ASAH1: variants seen among roughly 807,000 people sequenced by gnomAD.
The protein encoded by ASAH1 is acid ceramidase.
Under a neutral mutation model 59.5 loss-of-function variants are expected in ASAH1, and 70 were observed. The observed-to-expected ratio is 1.18, with a 90% CI of 0.97 to 1.43. ASAH1 has a LOEUF of 1.43. Among genes scored for constraint, ASAH1 ranks in the 40% most tolerant of loss-of-function variants. The pLI, the probability that ASAH1 is intolerant of heterozygous loss-of-function variation, is 0.00. For synonymous variants in ASAH1, 213 were observed against 166.5 expected, an observed-to-expected ratio of 1.28 and a Z score of -2.15; for missense variants, 660 against 482.5, an observed-to-expected ratio of 1.37 and a Z score of -3.45.
chr8:18,069,541 G>C lies in ASAH1; in HGVS notation c.303+251C>G, dbSNP rs1800070085. The C allele has an allele frequency of 1.5e-5, 6 of 410,150 alleles. No homozygotes were observed. In the East Asian group the frequency reaches 2.9e-4, roughly 20 times the overall value. The allele number at this position is 410,150 out of a possible 1,614,324, so 25.4% of individuals were successfully genotyped here. The stretch of plus-strand genomic sequence containing the variant: ...AAGGGAAGGAAATACCACACTCCCA[G>C]ATGAAATATGGTTATTTGCCCAATG... On this transcript the variant is annotated intron_variant, in intron 4 of 13. Transcript: ENST00000637790.
Position 18,062,354 on chromosome 8 carries a change from G to C in ASAH1, c.573C>G (p.Phe191Leu), listed in dbSNP as rs1366429587. The C allele has an allele frequency of 1.2e-6, 2 of 1,614,036 alleles. No homozygotes were observed. The highest frequency in any genetic ancestry group is 1.1e-5 in the South Asian group (1 of 91,084). The change falls in exon 8 of 14, where the codon TTC becomes TTG. Residue 191 changes from phenylalanine (F) to leucine (L), a missense_variant. Physicochemically the swap from Phe to Leu is conservative, Grantham distance 22. Coordinates refer to ENST00000637790, the MANE Select transcript of ASAH1 (RefSeq NM_177924.5). ...QLKPLTVNLD[F>L]QRNNKTVFKA... ...TGAAGACAGTTTTGTTGTTTCTTTG[G>C]AAATCCAAATTCACTGTTAAAGGTT...
intron 1 of ASAH1, chr8:18,083,052 T>C (rs1937591958): frequency 6.6e-6 from 1 of 152,200 alleles, no homozygotes; most frequent in South Asian, 2.1e-4. Context: ...CCACCATGAT[T>C]TTAAAGAATT....
rs769978725 is a variant in ASAH1 at position 18,075,482 on chromosome 8, C to T, written c.125+59G>A. The T allele has an allele frequency of 2.6e-6, 4 of 1,527,420 alleles. No homozygotes were observed. The Admixed American group carries it at 6.7e-5, about 25-fold the overall frequency. 94.6% of individuals were successfully genotyped at this position (1,527,420 alleles called of 1,614,324 possible). The stretch of plus-strand genomic sequence containing the variant: ...ATCGTTCGTTTATGAGCAATTATTA[C>T]ATACAGAAAAAACTTCACAAAGGTC... On this transcript the variant is annotated intron_variant, in intron 2 of 13. Coordinates refer to ENST00000637790, the MANE Select transcript of ASAH1 (RefSeq NM_177924.5).
intron 5 of ASAH1, 89 bp from the exon 6 acceptor site, chr8:18,064,620 T>A: frequency 1.3e-6 from 1 of 784,620 alleles, no homozygotes; most frequent in African/African-American, 1.7e-5. Context: ...GTGTTTTCAT[T>A]GTGTGAGTGT....
chr8:18,084,098 G>C lies in ASAH1; in HGVS notation c.-40C>G. On this transcript the variant is annotated 5_prime_UTR_variant, in exon 1 of 14. Coordinates refer to ENST00000637790, the MANE Select transcript of ASAH1 (RefSeq NM_177924.5). ...ACGCCACTCCCCGGACTCCAGCAGA[G>C]GCAAAGAAGAGCCGGCTGGGCCGGG... is the stretch of plus-strand genomic sequence containing the variant. The C allele has an allele frequency of 2.5e-6, 4 of 1,596,722 alleles. No homozygotes were observed. Among genetic ancestry groups the C allele is most frequent in the African/African-American group, 1.3e-5 (1 of 75,002 alleles).
chr8:18,084,640 A>G, upstream of ASAH1: 1 of 1,612,134 alleles, frequency 6.2e-7, no homozygotes, highest in Non-Finnish European at 8.5e-7. Context: ...GAGAGAATCG[A>G]ATCCACTCGG....
intron 10 of ASAH1, chr8:18,060,935 T>C (rs1799667706): frequency 1.1e-5 from 2 of 174,728 alleles, no homozygotes; most frequent in Non-Finnish European, 1.2e-5. Context: ...GTATTTTTTA[T>C]AGAGACGGGG....
At chr8:18,084,903 C>A (rs1391203451), upstream of ASAH1, 3 of 1,517,838 alleles carry the variant, frequency 2.0e-6, no homozygotes, top group African/African-American at 4.1e-5. Context: ...GGGGGACTCG[C>A]TTGGCTTTCG....
In ASAH1 at chr8:18,081,865, A is replaced by G. The variant is rs188874504; in HGVS notation, c.78+2116T>C. Among the ~76,000 whole-genome samples the G allele has an allele frequency of 6.6e-4, 100 of 152,284 alleles. 1 individual carries two copies. The highest frequency in any genetic ancestry group is 3.4e-3 in the Middle Eastern group (1 of 294). On this transcript the variant is annotated intron_variant, in intron 1 of 13. Coordinates refer to ENST00000637790, the MANE Select transcript of ASAH1 (RefSeq NM_177924.5). Reference sequence around the variant, plus strand: ...GTCACTAAACTTCTGTAAGGTTCTAAAGGTCCTTCAGTGCATGGATCCCAG... The same window carrying G: ...GTCACTAAACTTCTGTAAGGTTCTAGAGGTCCTTCAGTGCATGGATCCCAG...
intron 1 of ASAH1, among the ~76,000 whole-genome samples, chr8:18,079,709 C>T (rs919466151): frequency 2.6e-5 from 4 of 152,168 alleles, no homozygotes; most frequent in Non-Finnish European, 5.9e-5. Flanking sequence ...CACCAGAAGC[C>T]AAACAACTCT....
intron 1 of ASAH1, chr8:18,076,742 ACTC>A (rs1800419611): frequency 1.3e-5 from 2 of 152,292 alleles, no homozygotes; most frequent in South Asian, 4.1e-4. Flanking sequence ...AGCTCAGAAA[ACTC>A]CTGGAACTGT....
chr8:18,084,109 G>A (rs781650888), upstream of ASAH1: 6 of 1,590,016 alleles, frequency 3.8e-6, no homozygotes, highest in South Asian at 4.4e-5. Context: ...GCAAAGAAGA[G>A]CCGGCTGGGC....
intron 2 of ASAH1, among the ~76,000 whole-genome samples, chr8:18,074,928 C>T (rs745493544): frequency 6.6e-6 from 1 of 151,982 alleles, no homozygotes; most frequent in Admixed American, 6.5e-5. Flanking sequence ...CAAATACAGC[C>T]CTTACATTTG....
At chr8:18,073,415 T>G in intron 2 of ASAH1, 1 of 895,702 alleles carries the variant, frequency 1.1e-6, no homozygotes, top group East Asian at 2.8e-5. Context: ...GTGTTTGCAA[T>G]GTCCATGCCA....
chr8:18,077,245 AATATTTTC>A (rs1490196358), intron 1 of ASAH1, among the ~76,000 whole-genome samples: 1 of 152,256 alleles, frequency 6.6e-6, no homozygotes. Context: ...GTGAGATTCC[AATATTTTC>A]CACAAAATAT....
At chr8:18,084,809 CTG>C (rs777486000), upstream of ASAH1, 13 of 1,612,910 alleles carry the variant, frequency 8.1e-6, no homozygotes, top group African/African-American at 5.3e-5. Flanking sequence ...CATTAAGCGG[CTG>C]TGTTTCCTCC....
At chr8:18,069,740 C>G (rs1800079467) in intron 4 of ASAH1, 52 bp downstream of exon 4, 6 of 1,302,382 alleles carry the variant, frequency 4.6e-6, no homozygotes, top group Admixed American at 1.7e-5. Context: ...AAATAAATAA[C>G]AGCGCATTTT....
rs893380370 is a variant in ASAH1 at position 18,061,365 on chromosome 8, G to A, written c.785+12C>T. On this transcript the variant is annotated intron_variant, in intron 10 of 13. Coordinates refer to ENST00000637790, the MANE Select transcript of ASAH1 (RefSeq NM_177924.5). ...AATAAATATTTAATAGTAAAGCAACGAAACACTTTACCTTGTGCTATTTTC... is the reference window on the plus strand; with the variant it reads ...AATAAATATTTAATAGTAAAGCAACAAAACACTTTACCTTGTGCTATTTTC... The A allele has an allele frequency of 5.7e-5, 91 of 1,598,936 alleles. No individual in the cohort carries two copies. The highest frequency in any genetic ancestry group is 7.1e-5 in the Non-Finnish European group (83 of 1,166,600).
intron 5 of ASAH1, chr8:18,066,499 G>A (rs1334470185): frequency 6.8e-6 from 1 of 146,710 alleles, no homozygotes; most frequent in Non-Finnish European, 1.5e-5. Context: ...ACTAAAATGC[G>A]ATACTGCGAC....
Sources: allele counts gnomAD v4.1 joint callset (sites outside exome capture counted in the v4.1 genomes callset), GRCh38; gene constraint gnomAD v4.1.1; transcripts MANE v1.5; gene names NCBI Gene and HGNC (gene_info 2026-07-23, HGNC 2026-07-21).